The following BSPRY variants were observed in gnomAD, a reference collection of about 807,000 sequenced individuals.
The protein encoded by BSPRY is B box and SPRY domain-containing protein.
BSPRY carries 33 observed loss-of-function variants against 38.0 expected under a neutral mutation model. The ratio of observed to expected loss-of-function variants is 0.87; its 90% CI spans 0.66 to 1.16. BSPRY has a LOEUF of 1.16. Ranked by LOEUF, BSPRY falls within the 50% of genes most tolerant of loss-of-function variation. The pLI, the probability that BSPRY is intolerant of heterozygous loss-of-function variation, is 0.00. For synonymous variants in BSPRY, 224 were observed against 228.5 expected (o/e 0.98, Z 0.18); for missense variants, 523 against 533.2 (o/e 0.98, Z 0.19).
intron 1 of BSPRY, among the ~76,000 whole-genome samples, chr9:113,350,764 A>G (rs970936669): frequency 6.6e-5 from 10 of 152,172 alleles, no homozygotes; most frequent in African/African-American, 2.4e-4. Flanking sequence ...AGCAACACCC[A>G]AAAGCTCCTG....
chr9:113,362,334 G>T, intron 3 of BSPRY, 35 bp from the exon 4 acceptor site: 1 of 1,613,870 alleles, frequency 6.2e-7, no homozygotes. Flanking sequence ...CTGGGTATCT[G>T]GTGCCAAGCT....
intron 2 of BSPRY, among the ~76,000 whole-genome samples, chr9:113,355,683 C>T (rs1351756596): frequency 6.6e-6 from 1 of 151,352 alleles, no homozygotes; most frequent in African/African-American, 2.4e-5. Context: ...GGCGCGATCT[C>T]GGCTCACTGA....
chr9:113,368,225 C>G lies in BSPRY; in HGVS notation c.558-34C>G, dbSNP rs766172156. On this transcript the variant is annotated intron_variant, in intron 4 of 5. Coordinates refer to ENST00000374183, the MANE Select transcript of BSPRY (RefSeq NM_017688.3). Reference sequence around the variant, plus strand: ...GATCCAGATATATTTCCAGAACCATCCTGAATCTCTGTCTCTGTTTTTCCC... The same window carrying G: ...GATCCAGATATATTTCCAGAACCATGCTGAATCTCTGTCTCTGTTTTTCCC... The G allele has an allele frequency of 1.9e-6, 3 of 1,604,286 alleles. No individual in the cohort carries two copies. The Admixed American group carries it at 5.0e-5, about 27-fold the overall frequency.
Position 113,360,544 on chromosome 9 carries a change from G to T in BSPRY, c.338G>T (p.Arg113Leu), listed in dbSNP as rs749516228. Reference sequence around the variant, plus strand: ...GCAGCGAGGGAACTGGTTATCCAGCGGTTGAGTCTGGTGAGGAGTCTTTGC... The same window carrying T: ...GCAGCGAGGGAACTGGTTATCCAGCTGTTGAGTCTGGTGAGGAGTCTTTGC... ...ASAARELVIQ[R>L]LSLVRSLCES... Residue 113 changes from arginine (R) to leucine (L), a missense_variant, in exon 3 of 6, where the codon CGG (arginine) becomes CTG (leucine). Physicochemically the swap from Arg to Leu is moderately radical, Grantham distance 102. Coordinates refer to ENST00000374183, the MANE Select transcript of BSPRY (RefSeq NM_017688.3). The T allele has an allele frequency of 1.9e-6, 3 of 1,605,778 alleles. No individual in the cohort carries two copies. The highest frequency in any genetic ancestry group is 2.7e-5 in the African/African-American group (2 of 74,856).
chr9:113,356,146 TATAAAAC>T (rs1834054223), intron 2 of BSPRY, among the ~76,000 whole-genome samples: 1 of 151,946 alleles, frequency 6.6e-6, no homozygotes. Flanking sequence ...TATGGGGAAA[TATAAAAC>T]AGAAAGGGGA....
intron 2 of BSPRY, 63 bp from the exon 3 acceptor site, chr9:113,360,444 C>A (rs1222087773): frequency 4.0e-6 from 6 of 1,483,524 alleles, no homozygotes; most frequent in Non-Finnish European, 5.5e-6. Flanking sequence ...GAGCCTAAAC[C>A]CTCTTAAATC....
rs776167262 is a variant in BSPRY, at chr9:113,369,630, C to T, written c.697C>T (p.Arg233Trp). 2.4e-5 allele frequency: 38 copies of T among 1,611,756 alleles called. No individual in the cohort carries two copies. Among genetic ancestry groups the T allele is most frequent in the East Asian group, 2.0e-4 (9 of 44,886 alleles). ...LGSLSGTEDI[R>W]IDERTVSPFL... ...CTTTCTGGCAGGCACAGAGGACATACGGATCGATGAGAGGACAGTCAGCCC... is the reference window on the plus strand; with the variant it reads ...CTTTCTGGCAGGCACAGAGGACATATGGATCGATGAGAGGACAGTCAGCCC... Residue 233 changes from arginine (R) to tryptophan (W), a missense_variant, in exon 6 of 6, where the codon CGG (arginine) becomes TGG (tryptophan). Physicochemically the swap from Arg to Trp is moderately radical, Grantham distance 101 (BLOSUM62 -3). Coordinates refer to ENST00000374183, the MANE Select transcript of BSPRY (RefSeq NM_017688.3).
Position 113,360,488 on chromosome 9 carries a change from T to C in BSPRY, c.301-19T>C. ...GGCTTTGCACAGACCACCCAACTCC[T>C]CATTTTATCCCTCATTAGAGCATGG... On this transcript the variant is annotated intron_variant, in intron 2 of 5. Transcript: ENST00000374183. 1 of 1,574,558 alleles carries C rather than the reference T, an allele frequency of 6.4e-7. No individual in the cohort carries two copies. Among genetic ancestry groups the C allele is most frequent in the Non-Finnish European group, 8.6e-7 (1 of 1,160,886 alleles).
At chr9:113,357,928 A>G (rs1348991680) in intron 2 of BSPRY, among the ~76,000 whole-genome samples, 2 of 31,628 alleles carry the variant, frequency 6.3e-5, no homozygotes, top group African/African-American at 3.7e-4. Context: ...ATATATATAT[A>G]TATATATATA....
At chr9:113,367,469 A>G (rs1834270208) in intron 4 of BSPRY, among the ~76,000 whole-genome samples, 1 of 152,182 alleles carries the variant, frequency 6.6e-6, no homozygotes. Flanking sequence ...TTGCATTTTT[A>G]AAGTAGAGGA....
intron 2 of BSPRY, among the ~76,000 whole-genome samples, chr9:113,356,461 C>T (rs753593652): frequency 6.6e-5 from 10 of 151,838 alleles, no homozygotes; most frequent in Admixed American, 2.0e-4. Context: ...GCTGAGACTG[C>T]GCACTGCACT....
rs79435708 is a variant in BSPRY at position 113,360,225 on chromosome 9, T to C, written c.301-282T>C. ...CTGTGATTAAGCAGAGTATTCTAGT[T>C]GGGCTCTAAGTCCTGCCCAGGTCTT... On this transcript the variant is annotated intron_variant, in intron 2 of 5. Transcript: ENST00000374183. Among the ~76,000 whole-genome samples the C allele has an allele frequency of 2.9e-3, 449 of 152,314 alleles. 12 individuals carry two copies. In the East Asian group the frequency reaches 0.071, roughly 24 times the overall value.
At chr9:113,359,013 G>A (rs1481373887) in intron 2 of BSPRY, among the ~76,000 whole-genome samples, 1 of 150,364 alleles carries the variant, frequency 6.7e-6, no homozygotes, top group African/African-American at 2.5e-5. Flanking sequence ...GGGCATCAGA[G>A]CAAGACTGTG....
chr9:113,366,479 G>C (rs1298262994), intron 4 of BSPRY, among the ~76,000 whole-genome samples: 1 of 152,210 alleles, frequency 6.6e-6, no homozygotes, highest in Non-Finnish European at 1.5e-5. Context: ...GGACACTGCA[G>C]CAGATCCTGC....
chr9:113,351,377 T>G (rs1588059519), intron 1 of BSPRY, among the ~76,000 whole-genome samples: 1 of 152,286 alleles, frequency 6.6e-6, no homozygotes, highest in South Asian at 2.1e-4. Flanking sequence ...TAGGGCAAGA[T>G]TATTACCAAA....
intron 2 of BSPRY, among the ~76,000 whole-genome samples, chr9:113,355,773 C>T (rs1834048101): frequency 6.7e-6 from 1 of 149,962 alleles, no homozygotes; most frequent in African/African-American, 2.5e-5. Context: ...CACCACGACA[C>T]CCAGCTAATT....
chr9:113,367,683 C>T (rs909272649), intron 4 of BSPRY, among the ~76,000 whole-genome samples: 1 of 152,178 alleles, frequency 6.6e-6, no homozygotes, highest in Non-Finnish European at 1.5e-5. Context: ...CTGCAGAGCA[C>T]ACCACCTTCA....
chr9:113,371,018 C>T lies in BSPRY; in HGVS notation c.*876C>T, dbSNP rs1834342714. 1 of 152,228 alleles carries T rather than the reference C, an allele frequency of 6.6e-6. No individual in the cohort carries two copies. Among genetic ancestry groups the T allele is most frequent in the South Asian group, 2.1e-4 (1 of 4,828 alleles). 9.4% of individuals were successfully genotyped at this position (152,228 alleles called of 1,614,324 possible). The stretch of plus-strand genomic sequence containing the variant: ...TGTCTCCAGGTAACCCGACTGTAGC[C>T]CCTGCTGGCTGAGCTCCAGCCTGTG... On this transcript the variant is annotated 3_prime_UTR_variant, in exon 6 of 6. Coordinates refer to ENST00000374183, the MANE Select transcript of BSPRY (RefSeq NM_017688.3).
At chr9:113,349,822 C>T in intron 1 of BSPRY, 42 bp downstream of exon 1, 4 of 1,212,116 alleles carry the variant, frequency 3.3e-6, no homozygotes, top group Non-Finnish European at 4.1e-6. Flanking sequence ...CTCCGGAGAC[C>T]CCGGGCGCGC....
Sources: allele counts gnomAD v4.1 joint callset (sites outside exome capture counted in the v4.1 genomes callset), GRCh38; gene constraint gnomAD v4.1.1; transcripts MANE v1.5; gene names NCBI Gene and HGNC (gene_info 2026-07-23, HGNC 2026-07-21).